SMCO2: variants seen among roughly 807,000 people sequenced by gnomAD.
SMCO2 encodes single-pass membrane protein with coiled-coil domains 2.
A neutral mutation model predicts 29.5 loss-of-function variants in SMCO2; 25 were observed. That is an observed-to-expected ratio of 0.85 (90% confidence interval 0.62 to 1.18). The LOEUF (loss-of-function observed/expected upper bound fraction) is 1.18. SMCO2 is among the 50% of genes most tolerant of loss of function. The probability of loss-of-function intolerance (pLI) is 0.00; values close to 1 mark genes in which losing one functional copy is unlikely to be tolerated. For missense variants in SMCO2, 348 were observed against 344.5 expected, an observed-to-expected ratio of 1.01 and a Z score of -0.08; for synonymous variants, 117 against 123.3, an observed-to-expected ratio of 0.95 and a Z score of 0.34.
chr12:27,483,077 A>G (rs1949659305), intron 4 of SMCO2, among the ~76,000 whole-genome samples: 1 of 152,216 alleles, frequency 6.6e-6, no homozygotes, highest in Admixed American at 6.5e-5. Context: ...AATATGGTCT[A>G]TCTTGGTAAA....
At chr12:27,494,416 CA>C (rs1024404484) in intron 6 of SMCO2, 60 bp downstream of exon 7, 2 of 1,236,156 alleles carry the variant, frequency 1.6e-6, no homozygotes, top group Admixed American at 2.7e-5. Flanking sequence ...TGTCTAAATA[CA>C]GGGGTCATTC....
intron 2 of SMCO2, among the ~76,000 whole-genome samples, chr12:27,471,322 GTTTTTCATATAAGT>G (rs1949539330): frequency 6.6e-6 from 1 of 152,120 alleles, no homozygotes; most frequent in African/African-American, 2.4e-5. Flanking sequence ...ACTTTGGGCA[GTTTTTCATATAAGT>G]TTTTTCATAT....
Position 27,490,177 on chromosome 12 carries a change from A to G in SMCO2, c.450+1630A>G, listed in dbSNP as rs1204196568. ...ACGTGATGGAATACTACTCAGCAAT[A>G]AAAAGGAACAAACTTCTGATTGACC... On this transcript the variant is annotated intron_variant, in intron 5 of 7. Transcript: ENST00000298876. Among the ~76,000 whole-genome samples, 3 of 152,362 alleles carry G rather than the reference A, an allele frequency of 2.0e-5. No individual in the cohort carries two copies. The South Asian group carries it at 6.2e-4, about 32-fold the overall frequency.
intron 7 of SMCO2, among the ~76,000 whole-genome samples, chr12:27,500,739 C>T (rs1485883476): frequency 6.6e-6 from 1 of 150,554 alleles, no homozygotes; most frequent in Non-Finnish European, 1.5e-5. Flanking sequence ...TAAGCCCCTT[C>T]CTAATAGAGT....
chr12:27,425,178 A>T, the SMCO2 span: 1 of 151,784 alleles, frequency 6.6e-6, no homozygotes, highest in Non-Finnish European at 1.5e-5. Context: ...GCTCGTCTGT[A>T]TATTGGTATT....
chr12:27,480,708 C>T (rs430947), intron 4 of SMCO2, among the ~76,000 whole-genome samples: 33,283 of 151,012 alleles, frequency 0.22, 6,562 homozygotes, highest in African/African-American at 0.52. Context: ...CTCTCCCCCC[C>T]CTCTCTCTCT....
At chr12:27,476,994 T>C (rs966405534) in intron 4 of SMCO2, among the ~76,000 whole-genome samples, 3 of 152,148 alleles carry the variant, frequency 2.0e-5, no homozygotes, top group Non-Finnish European at 2.9e-5. Flanking sequence ...GATTTTTGTC[T>C]CTTTCTCATT....
chr12:27,479,217 CT>C (rs1417281210), intron 4 of SMCO2, among the ~76,000 whole-genome samples: 1 of 152,110 alleles, frequency 6.6e-6, no homozygotes, highest in Non-Finnish European at 1.5e-5. Flanking sequence ...AGAGGCAGGC[CT>C]GGTTGGCTGA....
intron 4 of SMCO2, among the ~76,000 whole-genome samples, chr12:27,485,296 G>T (rs777695470): frequency 2.6e-5 from 4 of 151,330 alleles, no homozygotes; most frequent in Non-Finnish European, 5.9e-5. Flanking sequence ...GTTTGATCTG[G>T]GTCTTTTTTC....
At chr12:27,469,251 A>G (rs1949522131) in intron 1 of SMCO2, among the ~76,000 whole-genome samples, 1 of 152,184 alleles carries the variant, frequency 6.6e-6, no homozygotes, top group African/African-American at 2.4e-5. Flanking sequence ...GGCAATAGTG[A>G]CCTTCCTGAG....
the SMCO2 span, among the ~76,000 whole-genome samples, chr12:27,429,470 T>C: frequency 1.3e-5 from 1 of 74,536 alleles, no homozygotes; most frequent in Non-Finnish European, 3.2e-5. Context: ...TTTGAAGTCA[T>C]AAAATTACAA....
At chr12:27,455,640 T>A in the SMCO2 span, among the ~76,000 whole-genome samples, 1 of 152,188 alleles carries the variant, frequency 6.6e-6, no homozygotes, top group African/African-American at 2.4e-5. Flanking sequence ...CAAAGTCTTG[T>A]ATGTGCAAAA....
At chr12:27,479,309 TG>T (rs1949619694) in intron 4 of SMCO2, among the ~76,000 whole-genome samples, 1 of 151,660 alleles carries the variant, frequency 6.6e-6, no homozygotes, top group Non-Finnish European at 1.5e-5. Context: ...GGCCCCTGGG[TG>T]GTATGCACAG....
chr12:27,435,299 CCCCGG>C, the SMCO2 span, among the ~76,000 whole-genome samples: 1 of 16,500 alleles, frequency 6.1e-5, no homozygotes, highest in Non-Finnish European at 4.4e-4. Flanking sequence ...CCCCCCCCCC[CCCCGG>C]CAATTGTGAC....
chr12:27,464,585 C>T (rs369834299), upstream of SMCO2, among the ~76,000 whole-genome samples: 188 of 151,620 alleles, frequency 1.2e-3, no homozygotes, highest in Middle Eastern at 3.4e-3. Flanking sequence ...GGTGTGGTGG[C>T]GCATGCTTGC....
At chr12:27,470,521 GCCAAATGC>G (rs1299239521) in intron 1 of SMCO2, 93 bp from the exon 2 acceptor site, 6 of 1,340,832 alleles carry the variant, frequency 4.5e-6, no homozygotes, top group Non-Finnish European at 6.0e-6. Context: ...AGGAATTAAA[GCCAAATGC>G]CCTGAGGAAG....
intron 4 of SMCO2, among the ~76,000 whole-genome samples, chr12:27,486,887 C>G (rs1949693430): frequency 6.6e-6 from 1 of 152,162 alleles, no homozygotes; most frequent in Non-Finnish European, 1.5e-5. Flanking sequence ...TTTTGCAACC[C>G]TCTTTACCTA....
At chr12:27,437,244 C>A in the SMCO2 span, among the ~76,000 whole-genome samples, 2 of 152,034 alleles carry the variant, frequency 1.3e-5, no homozygotes, top group Non-Finnish European at 2.9e-5. Flanking sequence ...GTACTCCAGC[C>A]TGGGTGACAG....
At chr12:27,431,552 GT>G in the SMCO2 span, among the ~76,000 whole-genome samples, 1 of 152,114 alleles carries the variant, frequency 6.6e-6, no homozygotes, top group Non-Finnish European at 1.5e-5. Flanking sequence ...TAGCCTCAAT[GT>G]TCTTCCATGT....
Sources: gnomAD v4.1 joint callset for allele counts (sites outside exome capture counted in the v4.1 genomes callset) on GRCh38, gnomAD v4.1.1 for gene constraint, MANE v1.5 for transcripts, NCBI Gene and HGNC (gene_info 2026-07-23, HGNC 2026-07-21) for gene names.